ATL2: variants seen among roughly 807,000 people sequenced by gnomAD.
ATL2 encodes the protein atlastin-2.
Under a neutral mutation model 73.9 loss-of-function variants are expected in ATL2, and 31 were observed. That is an observed-to-expected ratio of 0.42 (90% CI 0.32 to 0.57). The LOEUF (loss-of-function observed/expected upper bound fraction) is 0.57, where lower values mean the gene tolerates loss of function less well. ATL2 is among the 20% of genes least tolerant of loss of function. ATL2 has a pLI of 0.14. For missense variants in ATL2, 738 were observed against 702.6 expected (o/e 1.05, Z -0.57); for synonymous variants, 291 against 237.5 (o/e 1.23, Z -2.07).
intron 3 of ATL2, 51 bp from the exon 4 acceptor site, chr2:38,318,690 CTA>C (rs1558403856): frequency 6.9e-7 from 1 of 1,449,850 alleles, no homozygotes; most frequent in East Asian, 2.3e-5. Flanking sequence ...CCAAAAATGA[CTA>C]TAAAAAAAAT....
rs1171399456 is a variant in ATL2 at position 38,298,317 on chromosome 2, T to C, written c.1459A>G (p.Ile487Val). 3.1e-6 allele frequency: 5 copies of C among 1,614,176 alleles called. No homozygotes were observed. The highest frequency in any genetic ancestry group is 2.2e-5 in the South Asian group (2 of 91,088). Residue 487 changes from isoleucine (I) to valine (V), a missense_variant, in exon 12 of 13, where the codon ATA (isoleucine) becomes GTA (valine). By Grantham distance (29) the Ile-to-Val change is conservative. Coordinates refer to ENST00000378954, the MANE Select transcript of ATL2 (RefSeq NM_001135673.4). ...TLFAVMFAMY[I>V]ISGLTGFIGL... is the part of the protein sequence containing the mutation. ...ATGAAGCCAGTCAGTCCTGAGATTA[T>C]ATACATAGCAAACATGACCGCAAAC...
chr2:38,309,264 C>T (rs905390073), intron 9 of ATL2, 115 bp downstream of exon 9: 30 of 1,035,346 alleles, frequency 2.9e-5, no homozygotes, highest in Non-Finnish European at 3.6e-5. Context: ...AGATAAATCA[C>T]AAATCTTACT....
intron 2 of ATL2, among the ~76,000 whole-genome samples, chr2:38,329,041 A>G (rs1259083628): frequency 6.6e-6 from 1 of 151,742 alleles, no homozygotes; most frequent in Non-Finnish European, 1.5e-5. Flanking sequence ...TATGCCCACA[A>G]AGTTAGTAAC....
intron 1 of ATL2, chr2:38,354,202 ATC>A (rs1277244301): frequency 2.3e-6 from 1 of 433,022 alleles, no homozygotes; most frequent in Non-Finnish European, 4.6e-6. Context: ...AGCAAAGAGT[ATC>A]TGTCATTAGC....
chr2:38,340,562 A>G (rs1396229074), intron 2 of ATL2, among the ~76,000 whole-genome samples: 2 of 151,454 alleles, frequency 1.3e-5, no homozygotes, highest in Non-Finnish European at 2.9e-5. Context: ...CATCAACTGC[A>G]TACTTACATA....
Position 38,376,163 on chromosome 2 carries a change from C to A in ATL2, c.118+980G>T, listed in dbSNP as rs533096591. 7.9e-5 allele frequency: 121 copies of A among 1,530,384 alleles called. No individual in the cohort carries two copies. The African/African-American group carries it at 1.5e-3, about 19-fold the overall frequency. 94.8% of individuals were successfully genotyped at this position (1,530,384 alleles called of 1,614,324 possible). A position where few individuals can be genotyped will look rare whatever the true frequency, so the allele number is the denominator to read the frequency against. On this transcript the variant is annotated intron_variant, in intron 1 of 12. Coordinates refer to ENST00000378954, the MANE Select transcript of ATL2 (RefSeq NM_001135673.4). ...TATAAGCCTTTGAAAAAACTTTATG[C>A]CTTTCTTAAGTACCATCAAAATTTT... is the stretch of plus-strand genomic sequence containing the variant.
chr2:38,304,751 G>C (rs1346411325), intron 9 of ATL2, among the ~76,000 whole-genome samples: 3 of 152,020 alleles, frequency 2.0e-5, no homozygotes, highest in Admixed American at 6.6e-5. Context: ...ATATATTATA[G>C]TTGCAAACCT....
At chr2:38,350,985 A>C (rs1670304104) in intron 1 of ATL2, among the ~76,000 whole-genome samples, 1 of 152,228 alleles carries the variant, frequency 6.6e-6, no homozygotes, top group South Asian at 2.1e-4. Flanking sequence ...ATGTAGCATT[A>C]ATGTTAGATT....
chr2:38,341,385 C>T (rs373100181), intron 2 of ATL2, among the ~76,000 whole-genome samples: 7 of 152,156 alleles, frequency 4.6e-5, no homozygotes, highest in African/African-American at 1.4e-4. Context: ...ACCTGTAATC[C>T]CAACACGTTG....
At chr2:38,372,142 G>A (rs1244059622) in intron 1 of ATL2, among the ~76,000 whole-genome samples, 1 of 68,562 alleles carries the variant, frequency 1.5e-5, no homozygotes, top group African/African-American at 6.5e-5. Context: ...TTTTTTTTTG[G>A]CAATCCTGTG....
intron 9 of ATL2, among the ~76,000 whole-genome samples, chr2:38,308,422 TAG>T (rs541346206): frequency 1.3e-5 from 2 of 152,090 alleles, no homozygotes; most frequent in Non-Finnish European, 2.9e-5. Flanking sequence ...ACTCATGCGA[TAG>T]AGAGTACTAG....
intron 1 of ATL2, among the ~76,000 whole-genome samples, chr2:38,364,611 C>A (rs556561067): frequency 6.6e-6 from 1 of 152,224 alleles, no homozygotes; most frequent in Non-Finnish European, 1.5e-5. Flanking sequence ...GTACTACATT[C>A]CTATTTCCGG....
intron 1 of ATL2, among the ~76,000 whole-genome samples, chr2:38,361,281 G>C (rs1403301441): frequency 6.6e-6 from 1 of 150,760 alleles, no homozygotes; most frequent in Non-Finnish European, 1.5e-5. Context: ...ATGAACCCGG[G>C]AGGTGGAGCC....
intron 1 of ATL2, among the ~76,000 whole-genome samples, chr2:38,357,629 G>GT (rs1558448204): frequency 7.9e-6 from 1 of 127,114 alleles, no homozygotes; most frequent in Non-Finnish European, 1.6e-5. Flanking sequence ...TCCAGCCTGC[G>GT]TGACAGAGCA....
intron 1 of ATL2, among the ~76,000 whole-genome samples, chr2:38,358,063 T>C (rs1670782849): frequency 6.6e-6 from 1 of 152,156 alleles, no homozygotes; most frequent in Non-Finnish European, 1.5e-5. Context: ...AAAACTGGGA[T>C]TGAGCTTGAA....
chr2:38,314,063 A>C (rs185863031), intron 6 of ATL2, among the ~76,000 whole-genome samples: 10 of 152,362 alleles, frequency 6.6e-5, no homozygotes, highest in African/African-American at 2.4e-4. Flanking sequence ...CAATGCTGTC[A>C]TACCGGAAAG....
At chr2:38,344,855 A>C (rs1025785953) in intron 1 of ATL2, among the ~76,000 whole-genome samples, 2 of 152,184 alleles carry the variant, frequency 1.3e-5, no homozygotes, top group Non-Finnish European at 2.9e-5. Flanking sequence ...CTTTCTCACC[A>C]AACACTACAG....
At chr2:38,360,127 T>C (rs1670920866) in intron 1 of ATL2, among the ~76,000 whole-genome samples, 3 of 96,464 alleles carry the variant, frequency 3.1e-5, no homozygotes, top group Non-Finnish European at 5.7e-5. Context: ...AGGCTCCATT[T>C]CAAAAAAAAA....
At chr2:38,353,186 C>T (rs958601774) in intron 1 of ATL2, among the ~76,000 whole-genome samples, 7 of 152,126 alleles carry the variant, frequency 4.6e-5, no homozygotes, top group African/African-American at 1.4e-4. Context: ...ACTGTAAATA[C>T]GTTCAAGGAC....
Sources: gnomAD v4.1 joint callset for allele counts (sites outside exome capture counted in the v4.1 genomes callset) on GRCh38, gnomAD v4.1.1 for gene constraint, MANE v1.5 for transcripts, NCBI Gene and HGNC (gene_info 2026-07-23, HGNC 2026-07-21) for gene names.